MAPK4: variants seen among roughly 807,000 people sequenced by gnomAD.
MAPK4 encodes mitogen-activated protein kinase 4.
A neutral mutation model predicts 47.7 loss-of-function variants in MAPK4; 22 were observed. That is an observed-to-expected ratio of 0.46 (90% CI 0.33 to 0.66). MAPK4 has a LOEUF of 0.66. Ranked by LOEUF, MAPK4 falls within the 30% of genes least tolerant of loss-of-function variation. The pLI, the probability that MAPK4 is intolerant of heterozygous loss-of-function variation, is 0.02. For missense variants in MAPK4, 736 were observed against 831.7 expected, an observed-to-expected ratio of 0.88 and a Z score of 1.42; for synonymous variants, 390 against 365.7, an observed-to-expected ratio of 1.07 and a Z score of -0.76.
At position 50,566,241 on chromosome 18, in the gene MAPK4, A is replaced by C. The variant is rs533337716; in HGVS notation, c.-871+5998A>C. On this transcript the variant is annotated intron_variant, in intron 1 of 5. Transcript: ENST00000400384. The stretch of plus-strand genomic sequence containing the variant: ...GCTAGTCTTTCATTTGTATTTAAAC[A>C]GGTCTGATTTGTATAAATTTTTCGA... 6.5e-4 allele frequency among the ~76,000 whole-genome samples: 99 copies of C among 152,370 alleles called. No individual in the cohort carries two copies. In the South Asian group the frequency reaches 0.014, roughly 22 times the overall value.
intron 1 of MAPK4, among the ~76,000 whole-genome samples, chr18:50,575,693 A>G (rs28550184): frequency 0.04 from 6,034 of 151,914 alleles, 431 homozygotes; most frequent in African/African-American, 0.14. Context: ...CAGCAAACAG[A>G]CAGTCTACAA....
At chr18:50,682,892 G>C (rs528349189) in intron 2 of MAPK4, among the ~76,000 whole-genome samples, 1 of 152,208 alleles carries the variant, frequency 6.6e-6, no homozygotes, top group Non-Finnish European at 1.5e-5. Flanking sequence ...TCACCACTGG[G>C]CAATAAAAGG....
At chr18:50,583,693 C>T (rs2149363793) in intron 1 of MAPK4, among the ~76,000 whole-genome samples, 1 of 152,324 alleles carries the variant, frequency 6.6e-6, no homozygotes, top group African/African-American at 2.4e-5. Context: ...ACTGGCAGCT[C>T]AGTTTTCAGG....
intron 1 of MAPK4, among the ~76,000 whole-genome samples, chr18:50,627,044 C>T (rs898142262): frequency 7.4e-6 from 1 of 134,342 alleles, no homozygotes; most frequent in African/African-American, 2.7e-5. Context: ...TCCCCCCTAC[C>T]ACCCCGCCCC....
chr18:50,647,131 A>G (rs1412810472), intron 1 of MAPK4, among the ~76,000 whole-genome samples: 1 of 152,228 alleles, frequency 6.6e-6, no homozygotes, highest in Admixed American at 6.5e-5. Flanking sequence ...TAAATATTCA[A>G]TAATGCTACA....
chr18:50,690,414 A>G (rs1043977550), intron 2 of MAPK4, among the ~76,000 whole-genome samples: 2 of 152,244 alleles, frequency 1.3e-5, no homozygotes, highest in Admixed American at 6.5e-5. Flanking sequence ...GCTCAATACC[A>G]TGAGTTAGCA....
chr18:50,685,551 G>A (rs904767891), intron 2 of MAPK4, among the ~76,000 whole-genome samples: 19 of 152,210 alleles, frequency 1.2e-4, no homozygotes, highest in Non-Finnish European at 2.4e-4. Context: ...TGCATGTGGG[G>A]GAGGCACCGG....
At chr18:50,689,964 C>T (rs1909119869) in intron 2 of MAPK4, among the ~76,000 whole-genome samples, 1 of 152,166 alleles carries the variant, frequency 6.6e-6, no homozygotes. Context: ...TACCGTGGGT[C>T]CTAGAATCTG....
intron 1 of MAPK4, among the ~76,000 whole-genome samples, chr18:50,620,144 T>C (rs371333131): frequency 3.9e-4 from 60 of 152,344 alleles, no homozygotes; most frequent in African/African-American, 1.3e-3. Flanking sequence ...AGTTTTCTCC[T>C]TTGGCATGGG....
At chr18:50,729,064 G>A (rs1018344301) in intron 5 of MAPK4, 94 bp from the exon 6 acceptor site, 8 of 1,093,656 alleles carry the variant, frequency 7.3e-6, no homozygotes, top group Non-Finnish European at 1.1e-5. Context: ...GAAGGCAGGT[G>A]TGTGAGTGGC....
intron 1 of MAPK4, among the ~76,000 whole-genome samples, chr18:50,637,869 A>G (rs2042901437): frequency 6.6e-6 from 1 of 152,198 alleles, no homozygotes; most frequent in South Asian, 2.1e-4. Flanking sequence ...GACGTCTGTC[A>G]TATTAGATTG....
chr18:50,636,918 GA>G (rs746207857), intron 1 of MAPK4, among the ~76,000 whole-genome samples: 10 of 152,200 alleles, frequency 6.6e-5, no homozygotes, highest in Admixed American at 2.6e-4. Context: ...TGTTCACGAT[GA>G]GAACATAAGG....
chr18:50,583,510 G>A (rs1468554198), intron 1 of MAPK4, among the ~76,000 whole-genome samples: 1 of 152,102 alleles, frequency 6.6e-6, no homozygotes. Flanking sequence ...AATTGTTTGA[G>A]CCCAGGAGGT....
intron 1 of MAPK4, among the ~76,000 whole-genome samples, chr18:50,605,816 G>A (rs2042578007): frequency 1.3e-5 from 2 of 152,124 alleles, no homozygotes; most frequent in South Asian, 2.1e-4. Flanking sequence ...CTGCTCCAGC[G>A]AACATGGCAG....
intron 1 of MAPK4, among the ~76,000 whole-genome samples, chr18:50,592,807 A>C (rs540107465): frequency 6.6e-6 from 1 of 152,224 alleles, no homozygotes; most frequent in African/African-American, 2.4e-5. Flanking sequence ...GTGTAGTCCA[A>C]CTTTTCATCT....
chr18:50,605,846 T>A (rs1380366485), intron 1 of MAPK4, among the ~76,000 whole-genome samples: 3 of 152,140 alleles, frequency 2.0e-5, no homozygotes, highest in African/African-American at 2.4e-5. Context: ...CATGTCTCAG[T>A]CTGGTCTCAC....
intron 1 of MAPK4, among the ~76,000 whole-genome samples, chr18:50,565,085 T>C (rs1414927177): frequency 6.6e-6 from 1 of 152,202 alleles, no homozygotes; most frequent in African/African-American, 2.4e-5. Flanking sequence ...TGGACAGCTG[T>C]GTTTGCAAGA....
Position 50,614,023 on chromosome 18 carries a change from CAT to C in MAPK4, c.-870-49065_-870-49064del, listed in dbSNP as rs1039466796. On this transcript the variant is annotated intron_variant, in intron 1 of 5. Transcript: ENST00000400384. ...TATTGACAATATATCTTTATAGTGA[CAT>C]GTGGAAAGCTATGGTCTTGATATCA... 3.9e-5 allele frequency among the ~76,000 whole-genome samples: 6 copies of C among 152,188 alleles called. No homozygotes were observed. The East Asian group carries it at 1.2e-3, about 29-fold the overall frequency.
chr18:50,661,183 G>T (rs979090568), intron 1 of MAPK4, among the ~76,000 whole-genome samples: 3 of 152,168 alleles, frequency 2.0e-5, no homozygotes, highest in Admixed American at 2.0e-4. Context: ...GCCTCTTTTT[G>T]CTATGCCCTT....
Sources: gnomAD v4.1 joint callset for allele counts (sites outside exome capture counted in the v4.1 genomes callset) on GRCh38, gnomAD v4.1.1 for gene constraint, MANE v1.5 for transcripts, NCBI Gene and HGNC (gene_info 2026-07-23, HGNC 2026-07-21) for gene names.